The following YEATS2 variants were observed in gnomAD, a reference collection of about 807,000 sequenced individuals.
YEATS2 encodes YEATS domain-containing protein 2.
In YEATS2, 77 loss-of-function variants were observed where a neutral mutation model predicts 163.2. The observed-to-expected ratio is 0.47, with a 90% confidence interval of 0.39 to 0.57. The LOEUF (loss-of-function observed/expected upper bound fraction) is 0.57. Among genes scored for constraint, YEATS2 ranks in the 20% least tolerant of loss-of-function variants. The probability of loss-of-function intolerance (pLI) is 0.00; values close to 1 mark genes in which losing one functional copy is unlikely to be tolerated. For synonymous variants in YEATS2, 631 were observed against 645.1 expected, an observed-to-expected ratio of 0.98 and a Z score of 0.33; for missense variants, 1,549 against 1,729.8, an observed-to-expected ratio of 0.90 and a Z score of 1.85.
At chr3:183,703,205 T>TC (rs2108965119) in intron 1 of YEATS2, among the ~76,000 whole-genome samples, 1 of 152,288 alleles carries the variant, frequency 6.6e-6, no homozygotes, top group South Asian at 2.1e-4. Flanking sequence ...TTCTCGCCAT[T>TC]CAGGTCCAGT....
At chr3:183,763,524 C>T (rs1171260573) in intron 15 of YEATS2, among the ~76,000 whole-genome samples, 1 of 152,196 alleles carries the variant, frequency 6.6e-6, no homozygotes, top group Non-Finnish European at 1.5e-5. Flanking sequence ...ATAATCCACA[C>T]ACAACCCTGG....
rs777583496 is a variant in YEATS2 at position 183,722,182 on chromosome 3, C to CTA, written c.537+50_537+51dup. 2.0e-6 allele frequency: 3 copies of CTA among 1,514,150 alleles called. No homozygotes were observed. The Admixed American group carries it at 5.9e-5, about 30-fold the overall frequency. The allele number at this position is 1,514,150 out of a possible 1,614,324, so 93.8% of individuals were successfully genotyped here. A position where few individuals can be genotyped will look rare whatever the true frequency, so the allele number is the denominator to read the frequency against. On this transcript the variant is annotated intron_variant, in intron 5 of 30. Transcript: ENST00000305135. Reference sequence around the variant, plus strand: ...GGGAGGGAGCCACAGGAGAAGGGAACTATATTTACTAAAGTATGCGCTTGT... The same window carrying CTA: ...GGGAGGGAGCCACAGGAGAAGGGAACTATATATTTACTAAAGTATGCGCTTGT...
At chr3:183,805,325 G>A (rs778036421) in intron 27 of YEATS2, among the ~76,000 whole-genome samples, 1 of 151,766 alleles carries the variant, frequency 6.6e-6, no homozygotes, top group Non-Finnish European at 1.5e-5. Flanking sequence ...ACTTGAGCCC[G>A]GGAGGTTGAG....
chr3:183,794,099 T>TGG (rs1359782002), intron 21 of YEATS2, among the ~76,000 whole-genome samples: 3 of 152,158 alleles, frequency 2.0e-5, no homozygotes, highest in Non-Finnish European at 4.4e-5. Context: ...TGTTGGAACT[T>TGG]TGACTCTGGG....
chr3:183,724,467 G>A lies in YEATS2; in HGVS notation c.586G>A (p.Asp196Asn), dbSNP rs755035436. The A allele has an allele frequency of 1.2e-6, 2 of 1,613,916 alleles. No individual in the cohort carries two copies. Among genetic ancestry groups the A allele is most frequent in the Non-Finnish European group, 8.5e-7 (1 of 1,179,912 alleles). The change falls in exon 6 of 31, where the codon GAT becomes AAT. Residue 196 changes from aspartate to asparagine, a missense_variant. Transcript: ENST00000305135. The stretch of plus-strand genomic sequence containing the variant: ...CCATAAAACAGAACAGCGGAATGCT[G>A]ATCTCACAGATGAGACTTCACGACT... ...GSHKTEQRNA[D>N]LTDETSRLFV...
At chr3:183,793,653 C>T (rs1034089923) in intron 21 of YEATS2, among the ~76,000 whole-genome samples, 10 of 118,090 alleles carry the variant, frequency 8.5e-5, no homozygotes, top group African/African-American at 3.5e-4. Flanking sequence ...GTTCTTGTCG[C>T]CCAGTCTGGA....
intron 6 of YEATS2, among the ~76,000 whole-genome samples, chr3:183,725,041 C>CTTTTTTTTTTTTTTTTTTTTTTTTTT (rs62826962): frequency 1.6e-4 from 14 of 87,526 alleles, no homozygotes; most frequent in Non-Finnish European, 2.0e-4. Flanking sequence ...CCGTGCCGGC[C>CTTTTTTTTTTTTTTTTTTTTTTTTTT]TTTTTTTTTT....
At chr3:183,779,198 C>G (rs1723312970) in intron 19 of YEATS2, among the ~76,000 whole-genome samples, 1 of 152,236 alleles carries the variant, frequency 6.6e-6, no homozygotes, top group Admixed American at 6.5e-5. Context: ...CACAAGCCAC[C>G]ACGCCCAGCC....
At chr3:183,759,903 G>A (rs137999300) in intron 13 of YEATS2, among the ~76,000 whole-genome samples, 93 of 152,278 alleles carry the variant, frequency 6.1e-4, no homozygotes, top group Admixed American at 2.6e-3. Context: ...TGTGTTAACC[G>A]TTTAGCTATT....
intron 8 of YEATS2, among the ~76,000 whole-genome samples, chr3:183,746,433 A>G (rs942190375): frequency 8.5e-5 from 13 of 152,224 alleles, no homozygotes; most frequent in African/African-American, 3.1e-4. Flanking sequence ...GATAGCCTTC[A>G]TGTCTCCTGA....
At chr3:183,768,528 T>C (rs1473347218) in intron 15 of YEATS2, among the ~76,000 whole-genome samples, 2 of 151,998 alleles carry the variant, frequency 1.3e-5, no homozygotes, top group South Asian at 2.1e-4. Context: ...AAAGTTTTGC[T>C]ACATTAAGAA....
At chr3:183,727,080 C>A (rs1008105501) in intron 6 of YEATS2, among the ~76,000 whole-genome samples, 2 of 152,158 alleles carry the variant, frequency 1.3e-5, no homozygotes, top group African/African-American at 4.8e-5. Context: ...AGATTACAGG[C>A]ATGAGCCACC....
chr3:183,785,154 GTGACCCT>G (rs1194898197), intron 19 of YEATS2, among the ~76,000 whole-genome samples: 2 of 151,570 alleles, frequency 1.3e-5, no homozygotes, highest in Admixed American at 1.3e-4. Flanking sequence ...CAACATAATG[GTGACCCT>G]GTCTCTGAAA....
At chr3:183,707,471 T>C (rs972162562) in intron 1 of YEATS2, among the ~76,000 whole-genome samples, 2 of 152,202 alleles carry the variant, frequency 1.3e-5, no homozygotes, top group African/African-American at 2.4e-5. Flanking sequence ...TGAAATGTCA[T>C]TGGCTAATGG....
chr3:183,729,445 T>G (rs1332696688), intron 7 of YEATS2, among the ~76,000 whole-genome samples: 1 of 152,174 alleles, frequency 6.6e-6, no homozygotes, highest in Non-Finnish European at 1.5e-5. Context: ...ATGTTACTTC[T>G]TTTTATGAAT....
chr3:183,805,233 G>A (rs263038), intron 27 of YEATS2, among the ~76,000 whole-genome samples: 67,570 of 151,286 alleles, frequency 0.45, 15,300 homozygotes, highest in Middle Eastern at 0.57. Flanking sequence ...GGACCTTGTC[G>A]CTACAAAAAT....
chr3:183,804,255 A>T, intron 27 of YEATS2, 67 bp downstream of exon 27: 1 of 1,583,778 alleles, frequency 6.3e-7, no homozygotes, highest in Non-Finnish European at 8.6e-7. Flanking sequence ...GTAGAGAGAG[A>T]TGAGGACTTG....
Position 183,809,730 on chromosome 3 carries a change from G to A in YEATS2, c.4160+560G>A, listed in dbSNP as rs548857470. Among the ~76,000 whole-genome samples, 8 of 152,228 alleles carry A rather than the reference G, an allele frequency of 5.3e-5. No homozygotes were observed. The South Asian group carries it at 1.7e-3, about 32-fold the overall frequency. On this transcript the variant is annotated intron_variant, in intron 30 of 30. Transcript: ENST00000305135. ...ACACTGAGTTTCAGTCTGTTCCTAG[G>A]CCCTGAAAGGATGGTAGATAGGCCA...
intron 1 of YEATS2, among the ~76,000 whole-genome samples, chr3:183,698,689 C>G (rs1460572145): frequency 6.6e-6 from 1 of 152,108 alleles, no homozygotes; most frequent in African/African-American, 2.4e-5. Context: ...TTGATGTTGG[C>G]TAGTATTTTC....
Sources: allele counts gnomAD v4.1 joint callset (sites outside exome capture counted in the v4.1 genomes callset), GRCh38; gene constraint gnomAD v4.1.1; transcripts MANE v1.5; gene names NCBI Gene and HGNC (gene_info 2026-07-23, HGNC 2026-07-21).